Variants in AMBRA1 observed in about 807,000 individuals in gnomAD.
The protein encoded by AMBRA1 is autophagy and beclin 1 regulator 1, also known as activating molecule in BECN1-regulated autophagy protein 1.
Under a neutral mutation model 125.4 loss-of-function variants are expected in AMBRA1, and 47 were observed. The ratio of observed to expected loss-of-function variants is 0.37; its 90% CI spans 0.30 to 0.48. AMBRA1 has a LOEUF of 0.48. Among genes scored for constraint, AMBRA1 ranks in the 20% least tolerant of loss-of-function variants. The pLI is 0.99. For missense variants in AMBRA1, 1,331 were observed against 1,693.4 expected (o/e 0.79, Z 3.76); for synonymous variants, 626 against 655.5 (o/e 0.95, Z 0.69).
chr11:46,470,846 T>C (rs1246697550), intron 11 of AMBRA1, among the ~76,000 whole-genome samples: 1 of 152,170 alleles, frequency 6.6e-6, no homozygotes, highest in Admixed American at 6.5e-5. Flanking sequence ...TATTTGAGTA[T>C]CTACTACATG....
At chr11:46,523,048 T>C (rs1392165530) in intron 7 of AMBRA1, among the ~76,000 whole-genome samples, 1 of 152,192 alleles carries the variant, frequency 6.6e-6, no homozygotes, top group East Asian at 1.9e-4. Flanking sequence ...GAGGCCAATT[T>C]CCCAGCTCAT....
intron 15 of AMBRA1, among the ~76,000 whole-genome samples, chr11:46,411,760 C>CGCCCA (rs1946307233): frequency 6.6e-6 from 1 of 152,032 alleles, no homozygotes; most frequent in African/African-American, 2.4e-5. Context: ...TGAACCACTG[C>CGCCCA]GCCCAGCCCA....
intron 14 of AMBRA1, among the ~76,000 whole-genome samples, chr11:46,418,787 G>A (rs77680372): frequency 7.6e-4 from 115 of 152,228 alleles, no homozygotes; most frequent in Non-Finnish European, 1.3e-3. Flanking sequence ...CTAATAATGC[G>A]CTCTCCTTAG....
chr11:46,581,797 C>CAAAAAAAAAAA, intron 1 of AMBRA1, among the ~76,000 whole-genome samples: 1 of 69,950 alleles, frequency 1.4e-5, no homozygotes, highest in Non-Finnish European at 2.9e-5. Flanking sequence ...AAAACTCCAT[C>CAAAAAAAAAAA]AAAAAAAAAA....
Position 46,494,253 on chromosome 11 carries a change from C to T in AMBRA1, c.2340-49G>A, listed in dbSNP as rs555073518. The T allele has an allele frequency of 6.8e-4, 994 of 1,472,028 alleles. 5 individuals are homozygous for T. The African/African-American group carries it at 0.013, about 19-fold the overall frequency. 91.2% of individuals were successfully genotyped at this position (1,472,028 alleles called of 1,614,324 possible). ...CATAAGAGAGTCACTAAGGAAGAAT[C>T]ATCCACCAGCCCAAAAAGGAAACAT... On this transcript the variant is annotated intron_variant, in intron 9 of 17. Coordinates refer to ENST00000683756, the MANE Select transcript of AMBRA1 (RefSeq NM_001387011.1).
intron 1 of AMBRA1, among the ~76,000 whole-genome samples, chr11:46,563,167 G>A (rs1211337731): frequency 1.3e-5 from 2 of 152,122 alleles, no homozygotes; most frequent in African/African-American, 4.8e-5. Context: ...TAACTCAGGA[G>A]GCTAATGGAG....
chr11:46,542,552 G>A lies in AMBRA1; in HGVS notation c.1465C>T (p.Gln489Ter). Residue 489 changes from glutamine to a stop codon, truncating the protein, a stop_gained, in exon 7 of 18, where the codon CAA becomes TAA. Coordinates refer to ENST00000683756, the MANE Select transcript of AMBRA1 (RefSeq NM_001387011.1). LOFTEE classifies it high-confidence loss of function. The surrounding 1 kb of genome is among the most constrained non-coding windows in gnomAD (Gnocchi z 5.9). ...TGGCGAATGCTGCCCGAGTTGTTTT[G>A]GCTGGAGCCATTCCCTCCATCTGAC... ...TESDGGNGSS[Q>*]NNSGSIRHEL... The A allele has an allele frequency of 6.2e-7, 1 of 1,613,210 alleles. No individual in the cohort carries two copies. The highest frequency in any genetic ancestry group is 1.1e-5 in the South Asian group (1 of 91,086).
chr11:46,412,235 T>C (rs929389125), intron 15 of AMBRA1, among the ~76,000 whole-genome samples: 2 of 152,202 alleles, frequency 1.3e-5, no homozygotes, highest in Admixed American at 1.3e-4. Flanking sequence ...TATCCTTTTG[T>C]ATACTTAAAA....
chr11:46,447,729 T>C (rs1363582473), intron 11 of AMBRA1, among the ~76,000 whole-genome samples: 10 of 80,332 alleles, frequency 1.2e-4, no homozygotes, highest in African/African-American at 3.3e-5. Flanking sequence ...GATAGATAGA[T>C]AGATAGATAG....
intron 1 of AMBRA1, among the ~76,000 whole-genome samples, chr11:46,556,927 A>G (rs1405505724): frequency 6.6e-6 from 1 of 152,114 alleles, no homozygotes; most frequent in Non-Finnish European, 1.5e-5. Context: ...ACCTGAGGTC[A>G]GGAGTTCAAG....
chr11:46,407,603 A>C (rs1946087719), intron 17 of AMBRA1, among the ~76,000 whole-genome samples: 1 of 152,212 alleles, frequency 6.6e-6, no homozygotes, highest in South Asian at 2.1e-4. Flanking sequence ...TGTGCTACAG[A>C]CCAAAGAGGG....
intron 1 of AMBRA1, among the ~76,000 whole-genome samples, chr11:46,553,144 T>C (rs552799833): frequency 6.6e-6 from 1 of 151,994 alleles, no homozygotes; most frequent in African/African-American, 2.4e-5. Context: ...GGTTTCACCA[T>C]ATTGGTCAGG....
chr11:46,548,904 T>G (rs2042905411), intron 1 of AMBRA1: 2 of 152,794 alleles, frequency 1.3e-5, no homozygotes, highest in African/African-American at 4.8e-5. Context: ...AGCAGGAGAA[T>G]TGCTTGAACC....
intron 4 of AMBRA1, 138 bp downstream of exon 4, chr11:46,546,975 G>T: frequency 1.3e-6 from 1 of 756,040 alleles, no homozygotes; most frequent in South Asian, 2.1e-5. Flanking sequence ...GGAGGCTGAA[G>T]CAGAAGTATC....
At chr11:46,530,363 C>G (rs1048624769) in intron 7 of AMBRA1, among the ~76,000 whole-genome samples, 4 of 152,192 alleles carry the variant, frequency 2.6e-5, no homozygotes, top group African/African-American at 4.8e-5. Flanking sequence ...CTAGCATGAC[C>G]TGCACTGGGA....
intron 1 of AMBRA1, among the ~76,000 whole-genome samples, chr11:46,563,842 CA>C (rs1262343623): frequency 5.9e-3 from 275 of 46,646 alleles, no homozygotes; most frequent in Middle Eastern, 0.014. Flanking sequence ...GAGACTGTCT[CA>C]AAAAAAAAAA....
At chr11:46,401,378 C>A (rs995622373) in intron 17 of AMBRA1, among the ~76,000 whole-genome samples, 2 of 152,290 alleles carry the variant, frequency 1.3e-5, no homozygotes, top group Admixed American at 1.3e-4. Flanking sequence ...GTAGCTGGGA[C>A]TACAGGCATG....
intron 1 of AMBRA1, among the ~76,000 whole-genome samples, chr11:46,585,342 A>T (rs1452835323): frequency 6.6e-6 from 1 of 151,248 alleles, no homozygotes; most frequent in East Asian, 2.0e-4. Context: ...CCCAAGAATG[A>T]TCAATAAAAA....
rs773034716 is a variant in AMBRA1 at position 46,408,548 on chromosome 11, G to A, written c.3368C>T (p.Pro1123Leu). The change falls in exon 17 of 18, where the codon CCG (proline) becomes CTG (leucine). Residue 1123 changes from proline (P) to leucine (L), a missense_variant. Physicochemically the swap from Pro to Leu is moderately conservative, Grantham distance 98. Transcript: ENST00000683756. The part of the protein sequence containing the change: ...NAETQTEREV[P>L]EPGTAASGPG... ...ACCTGAGGCGGCTGTCCCTGGCTCC[G>A]GCACCTCCCTCTCAGTCTGTGTTTC... 19 of 1,588,506 alleles carry A rather than the reference G, an allele frequency of 1.2e-5. No individual in the cohort carries two copies. The highest frequency in any genetic ancestry group is 5.2e-5 in the Admixed American group (3 of 57,298).
Sources: allele counts gnomAD v4.1 joint callset (sites outside exome capture counted in the v4.1 genomes callset), GRCh38; gene constraint gnomAD v4.1.1; non-coding constraint Gnocchi (gnomAD v3.1); transcripts MANE v1.5; gene names NCBI Gene and HGNC (gene_info 2026-07-23, HGNC 2026-07-21).